Variants in OSBPL1A observed in about 807,000 individuals in gnomAD.
OSBPL1A encodes oxysterol binding protein like 1A.
Under a neutral mutation model 137.1 loss-of-function variants are expected in OSBPL1A, and 80 were observed. The observed-to-expected ratio is 0.58, with a 90% confidence interval of 0.49 to 0.70. The LOEUF is 0.70. Among genes scored for constraint, OSBPL1A ranks in the 30% least tolerant of loss-of-function variants. OSBPL1A has a pLI of 0.00. For missense variants in OSBPL1A, 970 were observed against 1,129.4 expected (o/e 0.86, Z 2.02); for synonymous variants, 365 against 389.7 (o/e 0.94, Z 0.75).
intron 15 of OSBPL1A, among the ~76,000 whole-genome samples, chr18:24,263,006 T>C (rs980109761): frequency 1.3e-5 from 2 of 152,326 alleles, no homozygotes; most frequent in South Asian, 4.1e-4. Flanking sequence ...ATTTATTCCA[T>C]GATTTCCAGC....
intron 18 of OSBPL1A, among the ~76,000 whole-genome samples, chr18:24,195,388 A>T (rs2086999690): frequency 6.6e-6 from 1 of 152,232 alleles, no homozygotes; most frequent in Non-Finnish European, 1.5e-5. Context: ...ATTTCAAGCC[A>T]CAGAATGAAG....
chr18:24,198,317 T>C (rs1344831805), intron 17 of OSBPL1A, among the ~76,000 whole-genome samples: 1 of 152,172 alleles, frequency 6.6e-6, no homozygotes, highest in Admixed American at 6.5e-5. Context: ...CATTCGAGCT[T>C]TGTAATTATC....
At chr18:24,358,766 G>A (rs2081452984) in intron 4 of OSBPL1A, among the ~76,000 whole-genome samples, 2 of 152,078 alleles carry the variant, frequency 1.3e-5, no homozygotes, top group African/African-American at 4.8e-5. Context: ...TTAGAGACAG[G>A]GTCTTGCTCT....
At chr18:24,268,463 A>G (rs2089636488) in intron 15 of OSBPL1A, among the ~76,000 whole-genome samples, 1 of 152,012 alleles carries the variant, frequency 6.6e-6, no homozygotes, top group Non-Finnish European at 1.5e-5. Flanking sequence ...GATTTCAATG[A>G]CCAACCACCA....
intron 7 of OSBPL1A, among the ~76,000 whole-genome samples, chr18:24,329,504 C>T (rs546606926): frequency 1.3e-5 from 2 of 149,108 alleles, no homozygotes; most frequent in African/African-American, 2.5e-5. Context: ...GAGTCGAGAT[C>T]GCGCCACTGC....
chr18:24,316,720 A>T (rs1202163687), intron 11 of OSBPL1A, among the ~76,000 whole-genome samples: 1 of 152,212 alleles, frequency 6.6e-6, no homozygotes, highest in Non-Finnish European at 1.5e-5. Flanking sequence ...CACTAGCCAA[A>T]ACCAAGACAC....
At chr18:24,272,335 C>G in intron 15 of OSBPL1A, 3 of 955,826 alleles carry the variant, frequency 3.1e-6, no homozygotes, top group Non-Finnish European at 3.7e-6. Flanking sequence ...CTGCCTGTCA[C>G]TTACTCCGGC....
chr18:24,315,230 T>C (rs1354709329), intron 11 of OSBPL1A, among the ~76,000 whole-genome samples: 1 of 152,152 alleles, frequency 6.6e-6, no homozygotes, highest in Admixed American at 6.5e-5. Context: ...CAAGGGCACA[T>C]GTGGCAACTC....
intron 18 of OSBPL1A, among the ~76,000 whole-genome samples, chr18:24,194,287 T>C (rs1414513378): frequency 6.6e-6 from 1 of 152,240 alleles, no homozygotes; most frequent in Non-Finnish European, 1.5e-5. Flanking sequence ...GTCTGGTTCA[T>C]TAACAAGTTG....
intron 15 of OSBPL1A, among the ~76,000 whole-genome samples, chr18:24,252,578 G>C (rs890906298): frequency 4.2e-4 from 64 of 152,026 alleles, no homozygotes; most frequent in Non-Finnish European, 7.3e-4. Context: ...GAAATGCTGA[G>C]AGGAGGTCTT....
intron 1 of OSBPL1A, 56 bp from the exon 2 acceptor site, chr18:24,377,591 A>C: frequency 6.8e-7 from 1 of 1,480,140 alleles, no homozygotes; most frequent in Non-Finnish European, 9.1e-7. Context: ...TAGCTTTTAG[A>C]TATCACCTGC....
At chr18:24,315,988 C>T (rs865853131) in intron 11 of OSBPL1A, among the ~76,000 whole-genome samples, 15 of 147,336 alleles carry the variant, frequency 1.0e-4, no homozygotes, top group Admixed American at 2.8e-4. Flanking sequence ...GGGCTGGGTG[C>T]GGTGTCTCAT....
At chr18:24,354,586 T>C (rs1260594875) in intron 4 of OSBPL1A, among the ~76,000 whole-genome samples, 2 of 151,464 alleles carry the variant, frequency 1.3e-5, no homozygotes, top group Non-Finnish European at 1.5e-5. Context: ...TCAGTAGATA[T>C]CAGAGTACCA....
intron 18 of OSBPL1A, 77 bp downstream of exon 18, chr18:24,196,048 A>G: frequency 1.7e-6 from 2 of 1,210,600 alleles, no homozygotes; most frequent in Non-Finnish European, 1.2e-6. Flanking sequence ...CTTTAATGCA[A>G]ACTTTTAGGT....
intron 1 of OSBPL1A, among the ~76,000 whole-genome samples, chr18:24,393,377 G>A (rs1356497039): frequency 3.3e-5 from 5 of 152,244 alleles, no homozygotes; most frequent in Non-Finnish European, 7.3e-5. Context: ...TACTTGCCAA[G>A]TATTAACAGT....
In OSBPL1A at chr18:24,317,319, A is replaced by C. The variant is rs530383931; in HGVS notation, c.806+8T>G. 24 of 1,612,526 alleles carry C rather than the reference A, an allele frequency of 1.5e-5. No individual in the cohort carries two copies. In the East Asian group the frequency reaches 4.9e-4, roughly 33 times the overall value. On this transcript the variant is annotated splice_region_variant and intron_variant, in intron 10 of 27. Coordinates refer to ENST00000319481, the MANE Select transcript of OSBPL1A (RefSeq NM_080597.4). Reference sequence around the variant, plus strand: ...AAATTTGATAAGTGTAAAGATCATAATACTTACTGTTTCCTATACCATGAA... The same window carrying C: ...AAATTTGATAAGTGTAAAGATCATACTACTTACTGTTTCCTATACCATGAA...
Position 24,363,151 on chromosome 18 carries a change from C to T in OSBPL1A, c.282+3741G>A, listed in dbSNP as rs185436704. On this transcript the variant is annotated intron_variant, in intron 4 of 27. Coordinates refer to ENST00000319481, the MANE Select transcript of OSBPL1A (RefSeq NM_080597.4). Reference sequence around the variant, plus strand: ...TATTAGAGTGTCTAGCTTTCTACCGCTGCTATAACAAATGACCACAAACTC... The same window carrying T: ...TATTAGAGTGTCTAGCTTTCTACCGTTGCTATAACAAATGACCACAAACTC... Among the ~76,000 whole-genome samples, 2 of 152,348 alleles carry T rather than the reference C, an allele frequency of 1.3e-5. 1 individual carries two copies. The highest frequency in any genetic ancestry group is 1.3e-4 in the Admixed American group (2 of 15,306).
At chr18:24,379,486 C>G (rs1906426997) in intron 1 of OSBPL1A, among the ~76,000 whole-genome samples, 1 of 150,014 alleles carries the variant, frequency 6.7e-6, no homozygotes, top group South Asian at 2.1e-4. Flanking sequence ...TGCCACTGCA[C>G]TCCAGCCTGG....
At chr18:24,353,723 G>T (rs1426413492) in intron 4 of OSBPL1A, among the ~76,000 whole-genome samples, 1 of 151,850 alleles carries the variant, frequency 6.6e-6, no homozygotes, top group Admixed American at 6.6e-5. Context: ...ATACACCATG[G>T]AATACTATGC....
Sources: gnomAD v4.1 joint callset for allele counts (sites outside exome capture counted in the v4.1 genomes callset) on GRCh38, gnomAD v4.1.1 for gene constraint, MANE v1.5 for transcripts, NCBI Gene and HGNC (gene_info 2026-07-23, HGNC 2026-07-21) for gene names.